The following ZBTB2 variants were observed in gnomAD, a reference collection of about 807,000 sequenced individuals.
The protein encoded by ZBTB2 is zinc finger and BTB domain containing 2.
A neutral mutation model predicts 39.5 loss-of-function variants in ZBTB2; 2 were observed. That is an observed-to-expected ratio of 0.05 (90% CI 0.02 to 0.16). The LOEUF (loss-of-function observed/expected upper bound fraction) is 0.16. ZBTB2 is among the 10% of genes least tolerant of loss of function. The probability of loss-of-function intolerance (pLI) is 1.00; values close to 1 mark genes in which losing one functional copy is unlikely to be tolerated. For missense variants in ZBTB2, 391 were observed against 653.0 expected, an observed-to-expected ratio of 0.60 and a Z score of 4.37; for synonymous variants, 251 against 256.6, an observed-to-expected ratio of 0.98 and a Z score of 0.21.
chr6:151,385,698 C>A (rs79553377), intron 1 of ZBTB2, among the ~76,000 whole-genome samples: 218 of 152,270 alleles, frequency 1.4e-3, no homozygotes, highest in Middle Eastern at 6.8e-3. Context: ...TCAGTAACAG[C>A]AGAGGCATTA....
intron 1 of ZBTB2, among the ~76,000 whole-genome samples, chr6:151,382,200 T>C (rs910858262): frequency 6.6e-6 from 1 of 152,260 alleles, no homozygotes; most frequent in African/African-American, 2.4e-5. Context: ...GTACATGTGG[T>C]CTTTCATTCA....
At chr6:151,373,696 G>T (rs1391330412) in intron 1 of ZBTB2, 47 bp from the exon 2 acceptor site, 9 of 1,555,182 alleles carry the variant, frequency 5.8e-6, no homozygotes, top group Admixed American at 1.8e-5. Flanking sequence ...TCACAAATAA[G>T]AATGTGTCCT....
At chr6:151,381,847 G>C (rs1582922146) in intron 1 of ZBTB2, among the ~76,000 whole-genome samples, 5 of 152,310 alleles carry the variant, frequency 3.3e-5, no homozygotes, top group Admixed American at 3.3e-4. Flanking sequence ...ACACAGAAAT[G>C]ACACAGTATC....
chr6:151,387,352 CAACACTGAGAAGACATTTTGT>C (rs1779181144), intron 1 of ZBTB2, among the ~76,000 whole-genome samples: 1 of 67,316 alleles, frequency 1.5e-5, no homozygotes, highest in African/African-American at 1.1e-4. Flanking sequence ...TTCTCAGTGT[CAACACTGAGAAGACATTTTGT>C]CAACACAGCG....
In ZBTB2 at chr6:151,364,383, AAAG is replaced by A. The variant is rs1486921296; in HGVS notation, c.*1135_*1137del. ...AATGGAGAAAATTTCAGGCATTAAG[AAAG>A]AAGAAAGAAAAAAAAACAACCAAAA... On this transcript the variant is annotated 3_prime_UTR_variant, in exon 3 of 3. Transcript: ENST00000325144. The A allele has an allele frequency of 5.8e-5, 7 of 120,658 alleles. No homozygotes were observed. The East Asian group carries it at 1.3e-3, about 22-fold the overall frequency. 7.5% of individuals were successfully genotyped at this position (120,658 alleles called of 1,614,324 possible).
rs372574480 is a variant in ZBTB2 at position 151,366,197 on chromosome 6, C to T, written c.869G>A (p.Arg290His). 28 of 1,614,100 alleles carry T rather than the reference C, an allele frequency of 1.7e-5. No homozygotes were observed. Among genetic ancestry groups the T allele is most frequent in the African/African-American group, 6.7e-5 (5 of 75,002 alleles). ...PFTSSQQGES[R>H]VPLTLCSNAA... ...ATTGCTACAGAGAGTCAGGGGGACG[C>T]GACTTTCTCCCTGTTGGCTAGATGT... The change falls in exon 3 of 3, where the codon CGC becomes CAC. Residue 290 changes from arginine to histidine, a missense_variant. By Grantham distance (29) the Arg-to-His change is conservative. Transcript: ENST00000325144. This position sits in a 1 kb window ranked among gnomAD's most constrained non-coding sequence, Gnocchi z 7.1.
At chr6:151,368,508 G>A (rs1778701323) in intron 2 of ZBTB2, among the ~76,000 whole-genome samples, 1 of 151,692 alleles carries the variant, frequency 6.6e-6, no homozygotes, top group Non-Finnish European at 1.5e-5. Flanking sequence ...AGGCTGGAGT[G>A]CAGTGGCACA....
rs1029217253 is a variant in ZBTB2 at position 151,382,680 on chromosome 6, C to T, written c.-13+8740G>A. On this transcript the variant is annotated intron_variant, in intron 1 of 2. Coordinates refer to ENST00000325144, the MANE Select transcript of ZBTB2 (RefSeq NM_020861.3). Reference sequence around the variant, plus strand: ...CAGCGATTCTCCTGCCTCAGCTTTCCGGGTAGCTGGGATTACAGGCGCCTG... The same window carrying T: ...CAGCGATTCTCCTGCCTCAGCTTTCTGGGTAGCTGGGATTACAGGCGCCTG... 5.9e-5 allele frequency among the ~76,000 whole-genome samples: 9 copies of T among 151,890 alleles called. 1 individual carries two copies. In the South Asian group the frequency reaches 6.2e-4, roughly 11 times the overall value.
chr6:151,369,633 A>AT (rs1295830865), intron 2 of ZBTB2, among the ~76,000 whole-genome samples: 10 of 152,052 alleles, frequency 6.6e-5, no homozygotes, highest in East Asian at 5.8e-4. Flanking sequence ...CTTAAAAAAA[A>AT]ATTTTTTTTT....
At chr6:151,390,700 T>A (rs979060076) in intron 1 of ZBTB2, among the ~76,000 whole-genome samples, 2 of 151,490 alleles carry the variant, frequency 1.3e-5, no homozygotes, top group South Asian at 2.1e-4. Context: ...TAGGAGCCGC[T>A]GCAGCTGGGA....
At chr6:151,390,684 C>T (rs1482330018) in intron 1 of ZBTB2, among the ~76,000 whole-genome samples, 5 of 151,828 alleles carry the variant, frequency 3.3e-5, no homozygotes, top group South Asian at 4.1e-4. Flanking sequence ...GTAGCGGCAG[C>T]AGCTGTAGGA....
chr6:151,373,118 G>A (rs1049294241), intron 2 of ZBTB2, among the ~76,000 whole-genome samples: 1 of 118,526 alleles, frequency 8.4e-6, no homozygotes, highest in South Asian at 2.9e-4. Context: ...TTGCACCACT[G>A]CACTCCAGCC....
intron 1 of ZBTB2, 34 bp from the exon 2 acceptor site, chr6:151,373,683 G>T: frequency 1.3e-6 from 2 of 1,586,766 alleles, no homozygotes; most frequent in Non-Finnish European, 8.6e-7. Flanking sequence ...TTAAGAAGGT[G>T]ATTCACAAAT....
At chr6:151,385,186 T>C (rs1242442483) in intron 1 of ZBTB2, among the ~76,000 whole-genome samples, 1 of 152,256 alleles carries the variant, frequency 6.6e-6, no homozygotes, top group Non-Finnish European at 1.5e-5. Flanking sequence ...TTTCTGTATA[T>C]GTATGTGTAC....
At chr6:151,382,079 T>A (rs1220906961) in intron 1 of ZBTB2, among the ~76,000 whole-genome samples, 2 of 152,214 alleles carry the variant, frequency 1.3e-5, no homozygotes, top group Non-Finnish European at 2.9e-5. Context: ...GACAGCATGT[T>A]ACTGTACTGT....
intron 1 of ZBTB2, among the ~76,000 whole-genome samples, chr6:151,373,870 A>AAAAAAAAAAAAACAAAAC (rs1778843577): frequency 6.5e-5 from 8 of 123,594 alleles, no homozygotes; most frequent in African/African-American, 2.8e-4. Flanking sequence ...AAAAAAAAAA[A>AAAAAAAAAAAAACAAAAC]AAAAAAACCA....
At chr6:151,372,693 T>G (rs1295523087) in intron 2 of ZBTB2, among the ~76,000 whole-genome samples, 1 of 152,070 alleles carries the variant, frequency 6.6e-6, no homozygotes, top group Non-Finnish European at 1.5e-5. Flanking sequence ...CTGGAGAAAT[T>G]CATGCCCTCG....
chr6:151,377,587 C>T (rs1383198323), intron 1 of ZBTB2, among the ~76,000 whole-genome samples: 2 of 139,370 alleles, frequency 1.4e-5, no homozygotes, highest in East Asian at 4.2e-4. Context: ...GTTGCCCAGG[C>T]TGGAGTGCAG....
chr6:151,380,528 G>A (rs1196911873), intron 1 of ZBTB2, among the ~76,000 whole-genome samples: 1 of 152,174 alleles, frequency 6.6e-6, no homozygotes, highest in Non-Finnish European at 1.5e-5. Context: ...CCTCTTTTGT[G>A]GGAATGGCTG....
Sources: gnomAD v4.1 joint callset for allele counts (sites outside exome capture counted in the v4.1 genomes callset) on GRCh38, gnomAD v4.1.1 for gene constraint, Gnocchi (gnomAD v3.1) non-coding constraint, MANE v1.5 for transcripts, NCBI Gene and HGNC (gene_info 2026-07-23, HGNC 2026-07-21) for gene names.